The following DOP1A variants were observed in gnomAD, a reference collection of about 807,000 sequenced individuals.
The protein encoded by DOP1A is protein DOP1A.
Under a neutral mutation model 267.6 loss-of-function variants are expected in DOP1A, and 90 were observed. The observed-to-expected ratio is 0.34, with a 90% CI of 0.28 to 0.40. DOP1A has a LOEUF of 0.40. Ranked by LOEUF, DOP1A falls within the 10% of genes least tolerant of loss-of-function variation. The pLI, the probability that DOP1A is intolerant of heterozygous loss-of-function variation, is 1.00. For synonymous variants in DOP1A, 932 were observed against 999.1 expected, an observed-to-expected ratio of 0.93 and a Z score of 1.27; for missense variants, 2,437 against 2,900.4, an observed-to-expected ratio of 0.84 and a Z score of 3.67.
At chr6:83,069,696 A>C (rs766823268) in intron 1 of DOP1A, among the ~76,000 whole-genome samples, 2 of 152,196 alleles carry the variant, frequency 1.3e-5, no homozygotes, top group Non-Finnish European at 2.9e-5. Flanking sequence ...TATTGGCAGA[A>C]GACTTATCTT....
At chr6:83,167,163 TC>T in intron 38 of DOP1A, 1 of 901,932 alleles carries the variant, frequency 1.1e-6, no homozygotes, top group Non-Finnish European at 1.3e-6. Context: ...TTTTAGACTG[TC>T]CCATTTTATA....
rs1295616045 is a variant in DOP1A at position 83,110,189 on chromosome 6, T to TGG, written c.559_560dup (p.Ser188ValfsTer21). The TGG allele has an allele frequency of 1.2e-6, 2 of 1,613,872 alleles. No homozygotes were observed. ...CCAGTCAGCATTCTACAGTGCCCTGTGGGGTAGTCTTCTCACCAGTCCTGC... is the reference window on the plus strand; with the variant it reads ...CCAGTCAGCATTCTACAGTGCCCTGTGGGGGGTAGTCTTCTCACCAGTCCTGC... On this transcript the variant is annotated frameshift_variant, in exon 6 of 39. Transcript: ENST00000349129. LOFTEE classifies it high-confidence loss of function.
chr6:83,094,223 G>A (rs1010786582), intron 1 of DOP1A, among the ~76,000 whole-genome samples: 8 of 152,206 alleles, frequency 5.3e-5, no homozygotes, highest in East Asian at 1.9e-4. Flanking sequence ...AGGTTCATGC[G>A]TGTTATAGTT....
intron 38 of DOP1A, among the ~76,000 whole-genome samples, chr6:83,163,900 G>T (rs924138467): frequency 2.0e-5 from 3 of 151,594 alleles, no homozygotes; most frequent in African/African-American, 7.3e-5. Flanking sequence ...GTAAAATATT[G>T]TCTTATATAC....
intron 1 of DOP1A, chr6:83,073,068 C>A: frequency 4.3e-6 from 1 of 233,712 alleles, no homozygotes. Context: ...CACCAAGTAG[C>A]AGTTCACTTT....
Position 83,135,815 on chromosome 6 carries a change from T to C in DOP1A, c.3067T>C (p.Ser1023Pro). ...RVQAERYWNK[S>P]PCYPGEESDK... The stretch of plus-strand genomic sequence containing the variant: ...ACAAGCAGAACGTTATTGGAATAAG[T>C]CTCCCTGTTATCCAGGAGAGGAGAG... Residue 1023 changes from serine (S) to proline (P), a missense_variant, in exon 20 of 39, where the codon TCT (serine) becomes CCT (proline). Ser to Pro is a moderately conservative substitution (Grantham distance 74). Coordinates refer to ENST00000349129, the MANE Select transcript of DOP1A (RefSeq NM_015018.4). 2 of 1,613,586 alleles carry C rather than the reference T, an allele frequency of 1.2e-6. No individual in the cohort carries two copies. The highest frequency in any genetic ancestry group is 1.7e-6 in the Non-Finnish European group (2 of 1,179,654).
chr6:83,071,203 T>C (rs1279805760), intron 1 of DOP1A, among the ~76,000 whole-genome samples: 1 of 152,022 alleles, frequency 6.6e-6, no homozygotes, highest in African/African-American at 2.4e-5. Flanking sequence ...TGAAAGAGAA[T>C]GAAGAGGAAG....
Position 83,158,573 on chromosome 6 carries a change from G to A in DOP1A, c.6748G>A (p.Val2250Ile), listed in dbSNP as rs1783398143. 3.1e-6 allele frequency: 5 copies of A among 1,602,472 alleles called. No individual in the cohort carries two copies. Among genetic ancestry groups the A allele is most frequent in the South Asian group, 1.1e-5 (1 of 89,556 alleles). The change falls in exon 36 of 39, where the codon GTA (valine) becomes ATA (isoleucine). Residue 2250 changes from valine to isoleucine, a missense_variant. Coordinates refer to ENST00000349129, the MANE Select transcript of DOP1A (RefSeq NM_015018.4). ...AACATTTCACCATTTTCAGGTACAA[G>A]TATTTTTACTGATGGAGCAGGAACT... ...WPTMITELVQ[V>I]FLLMEQELTA...
chr6:83,105,356 CTTTTTTTTTTTTTTTTTTTT>C, intron 4 of DOP1A, among the ~76,000 whole-genome samples: 1 of 65,940 alleles, frequency 1.5e-5, no homozygotes, highest in South Asian at 6.5e-4. Flanking sequence ...GGATGTCTTT[CTTTTTTTTTTTTTTTTTTTT>C]TTTTTTTTGA....
rs1338272380 is a variant in DOP1A at position 83,132,345 on chromosome 6, T to G, written c.2769+17T>G. 3 of 1,588,512 alleles carry G rather than the reference T, an allele frequency of 1.9e-6. No individual in the cohort carries two copies. The highest frequency in any genetic ancestry group is 1.4e-5 in the African/African-American group (1 of 72,442). On this transcript the variant is annotated intron_variant, in intron 18 of 38. Coordinates refer to ENST00000349129, the MANE Select transcript of DOP1A (RefSeq NM_015018.4). The stretch of plus-strand genomic sequence containing the variant: ...AAAGATAAGGTAAATCCTCTTATCT[T>G]GTGCACACCGCCCCCTCCGCCACAC...
chr6:83,103,934 C>T (rs1180661307), intron 4 of DOP1A, among the ~76,000 whole-genome samples: 1 of 152,070 alleles, frequency 6.6e-6, no homozygotes, highest in African/African-American at 2.4e-5. Flanking sequence ...TATGTATTAC[C>T]CTTATTCTGC....
At position 83,129,257 on chromosome 6, in the gene DOP1A, A is replaced by C; in HGVS notation, c.2090A>C (p.Asn697Thr). ...RLINLYIIQNNSFSQSLATEH... is the reference protein window; with the variant it reads ...RLINLYIIQNTSFSQSLATEH... ...ATCAACCTCTACATCATTCAGAATA[A>C]CTCTTTTTCTCAGTCTTTGGCTACA... The change falls in exon 16 of 39, where the codon AAC becomes ACC. Residue 697 changes from asparagine (N) to threonine (T), a missense_variant. Coordinates refer to ENST00000349129, the MANE Select transcript of DOP1A (RefSeq NM_015018.4). 1 of 1,612,936 alleles carries C rather than the reference A, an allele frequency of 6.2e-7. No individual in the cohort carries two copies. The highest frequency in any genetic ancestry group is 8.5e-7 in the Non-Finnish European group (1 of 1,179,560).
At chr6:83,163,820 A>G (rs1784794718) in intron 38 of DOP1A, among the ~76,000 whole-genome samples, 1 of 152,164 alleles carries the variant, frequency 6.6e-6, no homozygotes, top group South Asian at 2.1e-4. Context: ...TCTTAGAGAA[A>G]TTATTTAAGG....
intron 1 of DOP1A, among the ~76,000 whole-genome samples, chr6:83,069,355 C>T (rs1785231632): frequency 6.6e-6 from 1 of 152,142 alleles, no homozygotes; most frequent in African/African-American, 2.4e-5. Flanking sequence ...AGGCAGGACT[C>T]TTCAAAACCT....
chr6:83,152,986 T>C (rs1782022803), intron 30 of DOP1A, among the ~76,000 whole-genome samples: 1 of 152,218 alleles, frequency 6.6e-6, no homozygotes, highest in Non-Finnish European at 1.5e-5. Flanking sequence ...AACATTTTCA[T>C]GTACATTGTC....
Position 83,153,941 on chromosome 6 carries a change from G to A in DOP1A, c.6287G>A (p.Ser2096Asn). The A allele has an allele frequency of 6.2e-7, 1 of 1,614,076 alleles. No homozygotes were observed. Among genetic ancestry groups the A allele is most frequent in the Non-Finnish European group, 8.5e-7 (1 of 1,179,998 alleles). Reference protein sequence around the residue: ...SYRACVQLLSSLSGYQYTRRA... With the variant: ...SYRACVQLLSNLSGYQYTRRA... ...CGAGCTTGTGTCCAGCTGCTCAGCA[G>A]TCTTAGTGGGTATCAGTACACACGG... The change falls in exon 32 of 39, where the codon AGT becomes AAT. Residue 2096 changes from serine (S) to asparagine (N), a missense_variant. Physicochemically the swap from Ser to Asn is conservative, Grantham distance 46. This residue lies in a region of DOP1A where 216 missense variants were observed against 283.3 expected (regional missense o/e 0.76). Coordinates refer to ENST00000349129, the MANE Select transcript of DOP1A (RefSeq NM_015018.4).
At chr6:83,126,558 TAC>T (rs982820065) in intron 15 of DOP1A, among the ~76,000 whole-genome samples, 4 of 152,108 alleles carry the variant, frequency 2.6e-5, no homozygotes, top group Non-Finnish European at 5.9e-5. Flanking sequence ...CACATTTAAT[TAC>T]AGTTGTGATA....
chr6:83,097,008 G>T lies in DOP1A; in HGVS notation c.31G>T (p.Asp11Tyr). 1 of 1,614,056 alleles carries T rather than the reference G, an allele frequency of 6.2e-7. No homozygotes were observed. The highest frequency in any genetic ancestry group is 1.1e-5 in the South Asian group (1 of 91,060). Residue 11 changes from aspartate to tyrosine, a missense_variant, in exon 3 of 39, where the codon GAC becomes TAC. Asp to Tyr is a radical substitution (Grantham distance 160, BLOSUM62 -3). Around this residue, in one of 9 missense-constraint regions of DOP1A, gnomAD observed 251 missense variants for 359.1 expected, o/e 0.70. Transcript: ENST00000349129. ...CACAGAAGAGCTGGAGTTATTGAGT[G>T]ACTCCAAATACAGAAACTATGTAGC... Reference protein sequence around the residue: MNTEELELLSDSKYRNYVAAI... With the variant: MNTEELELLSYSKYRNYVAAI...
chr6:83,148,345 T>G (rs1780944822), intron 26 of DOP1A, among the ~76,000 whole-genome samples: 1 of 151,208 alleles, frequency 6.6e-6, no homozygotes, highest in Admixed American at 6.6e-5. Context: ...ACCGGGGAGG[T>G]GGAGGCTGCG....
Sources: gnomAD v4.1 joint callset for allele counts (sites outside exome capture counted in the v4.1 genomes callset) on GRCh38, gnomAD v4.1.1 for gene constraint, gnomAD v4.1.1 regional missense constraint, MANE v1.5 for transcripts, NCBI Gene and HGNC (gene_info 2026-07-23, HGNC 2026-07-21) for gene names.